PACS2: variants seen among roughly 807,000 people sequenced by gnomAD.
PACS2 encodes the protein PACS1-like protein.
PACS2 carries 36 observed loss-of-function variants against 113.0 expected under a neutral mutation model. The observed-to-expected ratio is 0.32, with a 90% confidence interval of 0.24 to 0.42. PACS2 has a LOEUF of 0.42. Ranked by LOEUF, PACS2 falls within the 10% of genes least tolerant of loss-of-function variation. PACS2 has a pLI of 1.00. For synonymous variants in PACS2, 589 were observed against 536.1 expected (o/e 1.10, Z -1.36); for missense variants, 1,015 against 1,239.5 (o/e 0.82, Z 2.72).
chr14:105,385,128 G>A, intron 18 of PACS2, 141 bp downstream of exon 18: 2 of 636,970 alleles, frequency 3.1e-6, no homozygotes, highest in Non-Finnish European at 2.9e-6. Flanking sequence ...GGGCCAGCTG[G>A]GCAGCTCTGG....
chr14:105,306,007 C>A (rs925750627), intron 1 of PACS2, among the ~76,000 whole-genome samples: 1 of 152,252 alleles, frequency 6.6e-6, no homozygotes, highest in Non-Finnish European at 1.5e-5. Flanking sequence ...CAGCACACAG[C>A]AGCAGAGCGG....
At position 105,354,847 on chromosome 14, in the gene PACS2, C is replaced by G. The variant is rs2060370920; in HGVS notation, c.298-205C>G. Among the ~76,000 whole-genome samples, 1 of 152,222 alleles carries G rather than the reference C, an allele frequency of 6.6e-6. No individual in the cohort carries two copies. The highest frequency in any genetic ancestry group is 2.1e-4 in the South Asian group (1 of 4,836). ...CCTGAGCTCTGGCGACTGGCTCACT[C>G]TTGATTGTGTTGGGTAAAGGATGGG... On this transcript the variant is annotated intron_variant, in intron 3 of 24. Transcript: ENST00000447393. This position sits in a 1 kb window ranked among gnomAD's most constrained non-coding sequence, Gnocchi z 4.2.
In PACS2 at chr14:105,315,028, G is replaced by A; in HGVS notation, c.110G>A (p.Cys37Tyr). The A allele has an allele frequency of 8.2e-7, 1 of 1,215,698 alleles. No individual in the cohort carries two copies. The highest frequency in any genetic ancestry group is 1.0e-6 in the Non-Finnish European group (1 of 960,016). The allele number at this position is 1,215,698 out of a possible 1,614,324, so 75.3% of individuals were successfully genotyped here. A position where few individuals can be genotyped will look rare whatever the true frequency, so the allele number is the denominator to read the frequency against. The change falls in exon 1 of 25, where the codon TGC becomes TAC. Residue 37 changes from cysteine to tyrosine, a missense_variant. Physicochemically the swap from Cys to Tyr is radical, Grantham distance 194. Coordinates refer to ENST00000447393, the MANE Select transcript of PACS2 (RefSeq NM_001100913.3). The surrounding 1 kb of genome is among the most constrained non-coding windows in gnomAD (Gnocchi z 4.4). ...TWEVDGSSPS[C>Y]VPRLCSLTLK... ...GAGGTGGACGGCTCCAGCCCCAGCT[G>A]CGTGCCCAGGTACGCGCCGCCCGCC...
chr14:105,311,886 GCGGCAGGGCCTGTCTAGGGGTT>G (rs1308713702), upstream of PACS2, among the ~76,000 whole-genome samples: 1 of 152,254 alleles, frequency 6.6e-6, no homozygotes, highest in Non-Finnish European at 1.5e-5. Context: ...GGGAGTGGAT[GCGGCAGGGCCTGTCTAGGGGTT>G]CGGCAGTTCT....
chr14:105,350,550 C>T (rs1454590117), intron 2 of PACS2, among the ~76,000 whole-genome samples: 3 of 152,132 alleles, frequency 2.0e-5, no homozygotes, highest in East Asian at 3.9e-4. Flanking sequence ...TCAGCAGCCA[C>T]GTGGCCCTTG....
intron 1 of PACS2, among the ~76,000 whole-genome samples, chr14:105,304,890 C>T (rs2058141510): frequency 6.6e-6 from 1 of 152,136 alleles, no homozygotes; most frequent in African/African-American, 2.4e-5. Context: ...AAAGACCTGC[C>T]CCCATGATTC....
At chr14:105,342,717 T>G (rs1387741765) in intron 1 of PACS2, among the ~76,000 whole-genome samples, 3 of 151,736 alleles carry the variant, frequency 2.0e-5, no homozygotes, top group South Asian at 4.2e-4. Context: ...GCGGGTCACT[T>G]GAGGTCAGGA....
upstream of PACS2, among the ~76,000 whole-genome samples, chr14:105,311,491 G>C (rs1300359797): frequency 6.6e-6 from 1 of 152,172 alleles, no homozygotes; most frequent in Non-Finnish European, 1.5e-5. Flanking sequence ...CTGAGGTCAC[G>C]GGATCTGTGC....
At chr14:105,305,246 C>T (rs1300638900) in intron 1 of PACS2, among the ~76,000 whole-genome samples, 1 of 151,896 alleles carries the variant, frequency 6.6e-6, no homozygotes, top group Non-Finnish European at 1.5e-5. Context: ...ACAAAAACTA[C>T]AAAAACTTAG....
intron 4 of PACS2, among the ~76,000 whole-genome samples, chr14:105,361,132 A>G (rs1555406372): frequency 2.0e-5 from 3 of 152,234 alleles, no homozygotes; most frequent in African/African-American, 4.8e-5. Context: ...CACTTCTCCC[A>G]AATTCCTGTC....
At chr14:105,347,379 C>A (rs1360399980) in intron 1 of PACS2, among the ~76,000 whole-genome samples, 1 of 152,104 alleles carries the variant, frequency 6.6e-6, no homozygotes, top group East Asian at 1.9e-4. Flanking sequence ...ATGTCCACAC[C>A]CAATGCCCAG....
rs587702050 is a variant in PACS2, at chr14:105,391,366, C to T, written c.2119+117C>T. On this transcript the variant is annotated intron_variant, in intron 21 of 24. Transcript: ENST00000447393. ...TCAGGGCCTGAGAGCCGCCACGTCC[C>T]AGTCTTGCTGTGGTGCTTCTGTCCT... is the stretch of plus-strand genomic sequence containing the variant. The T allele has an allele frequency of 6.0e-5, 48 of 804,656 alleles. No homozygotes were observed. The East Asian group carries it at 1.2e-3, about 20-fold the overall frequency. 49.8% of individuals were successfully genotyped at this position (804,656 alleles called of 1,614,324 possible). A position where few individuals can be genotyped will look rare whatever the true frequency, so the allele number is the denominator to read the frequency against.
chr14:105,394,534 C>G lies in PACS2; in HGVS notation c.2597-20C>G. 1 of 1,609,844 alleles carries G rather than the reference C, an allele frequency of 6.2e-7. No homozygotes were observed. Among genetic ancestry groups the G allele is most frequent in the Non-Finnish European group, 8.5e-7 (1 of 1,178,268 alleles). On this transcript the variant is annotated intron_variant, in intron 24 of 24. Transcript: ENST00000447393. ...CAGGCCGGGCAGGGGGGCAGGCGGT[C>G]AGGCAGCCCTCTCCCACAGTCCTCA...
intron 4 of PACS2, among the ~76,000 whole-genome samples, chr14:105,363,378 T>C (rs2060806576): frequency 6.6e-6 from 1 of 152,244 alleles, no homozygotes. Context: ...CGTCAAGATC[T>C]GAACTAGACC....
Position 105,376,195 on chromosome 14 carries a change from C to T in PACS2, c.802-573C>T, listed in dbSNP as rs999385382. 5.9e-5 allele frequency among the ~76,000 whole-genome samples: 9 copies of T among 152,028 alleles called. No individual in the cohort carries two copies. Among genetic ancestry groups the T allele is most frequent in the Non-Finnish European group, 5.9e-5 (4 of 68,002 alleles). On this transcript the variant is annotated intron_variant, in intron 8 of 24. Coordinates refer to ENST00000447393, the MANE Select transcript of PACS2 (RefSeq NM_001100913.3). This position sits in a 1 kb window ranked among gnomAD's most constrained non-coding sequence, Gnocchi z 4.7. Reference sequence around the variant, plus strand: ...TGGCACGTGGGGCTTATGGGGATTACAATTCAAGGTGAGACTTGGGTGGGG... The same window carrying T: ...TGGCACGTGGGGCTTATGGGGATTATAATTCAAGGTGAGACTTGGGTGGGG...
intron 15 of PACS2, 140 bp downstream of exon 15, chr14:105,383,053 C>A (rs943279789): frequency 2.0e-5 from 13 of 637,308 alleles, no homozygotes; most frequent in Admixed American, 1.8e-4. Context: ...GACCCATGCG[C>A]TCTTCGCAGC....
intron 1 of PACS2, among the ~76,000 whole-genome samples, chr14:105,344,010 G>A (rs1470033731): frequency 3.3e-5 from 5 of 149,788 alleles, no homozygotes; most frequent in African/African-American, 4.9e-5. Context: ...CAGATCACTC[G>A]AGGCCAGGAG....
At chr14:105,380,280 T>C (rs2080936410) in intron 11 of PACS2, 126 bp downstream of exon 11, 1 of 790,144 alleles carries the variant, frequency 1.3e-6, no homozygotes. Flanking sequence ...TGTGCAGAGG[T>C]GGGGTCAGCC....
chr14:105,327,670 C>G (rs2059169619), intron 1 of PACS2, among the ~76,000 whole-genome samples: 1 of 152,246 alleles, frequency 6.6e-6, no homozygotes, highest in African/African-American at 2.4e-5. Context: ...TGGACTGCAC[C>G]TGACTCTGGT....
Sources: gnomAD v4.1 joint callset for allele counts (sites outside exome capture counted in the v4.1 genomes callset) on GRCh38, gnomAD v4.1.1 for gene constraint, Gnocchi (gnomAD v3.1) non-coding constraint, MANE v1.5 for transcripts, NCBI Gene and HGNC (gene_info 2026-07-23, HGNC 2026-07-21) for gene names.